The following DNAH9 variants were observed in gnomAD, a reference collection of about 807,000 sequenced individuals.
DNAH9 encodes the protein DNAH9 variant protein.
Under a neutral mutation model 471.6 loss-of-function variants are expected in DNAH9, and 345 were observed. That is an observed-to-expected ratio of 0.73 (90% confidence interval 0.67 to 0.80). The LOEUF is 0.80. Ranked by LOEUF, DNAH9 falls within the 30% of genes least tolerant of loss-of-function variation. The pLI is 0.00. For synonymous variants in DNAH9, 2,093 were observed against 2,123.6 expected (o/e 0.99, Z 0.40); for missense variants, 5,407 against 5,609.2 (o/e 0.96, Z 1.15).
intron 14 of DNAH9, among the ~76,000 whole-genome samples, chr17:11,661,434 A>G (rs1445739449): frequency 6.6e-6 from 1 of 152,072 alleles, no homozygotes; most frequent in Non-Finnish European, 1.5e-5. Context: ...AAGCATTTGT[A>G]TGGTTGAATT....
chr17:11,934,113 A>C, intron 65 of DNAH9, 42 bp downstream of exon 65: 1 of 1,584,700 alleles, frequency 6.3e-7, no homozygotes, highest in South Asian at 1.2e-5. Context: ...GAGGGTGCTC[A>C]CAGGGCCCTG....
chr17:11,681,247 G>A (rs1225647042), intron 19 of DNAH9, among the ~76,000 whole-genome samples: 1 of 152,164 alleles, frequency 6.6e-6, no homozygotes, highest in African/African-American at 2.4e-5. Flanking sequence ...TTTAAAAAGT[G>A]GCTGATTGAA....
chr17:11,857,645 A>G (rs1971673626), intron 50 of DNAH9, among the ~76,000 whole-genome samples: 1 of 152,222 alleles, frequency 6.6e-6, no homozygotes, highest in African/African-American at 2.4e-5. Flanking sequence ...AGGACATTAT[A>G]TAGTTTGGAT....
At chr17:11,790,706 T>A (rs1969032953) in intron 41 of DNAH9, among the ~76,000 whole-genome samples, 1 of 151,930 alleles carries the variant, frequency 6.6e-6, no homozygotes, top group Non-Finnish European at 1.5e-5. Flanking sequence ...ATGCTCTTTT[T>A]AATATATTCT....
At chr17:11,841,383 A>T (rs935516678) in intron 49 of DNAH9, among the ~76,000 whole-genome samples, 5 of 152,170 alleles carry the variant, frequency 3.3e-5, no homozygotes, top group Admixed American at 3.3e-4. Flanking sequence ...AAAGAGAAAA[A>T]ACATTTTTTA....
intron 40 of DNAH9, 73 bp from the exon 41 acceptor site, chr17:11,784,226 TC>T: frequency 6.3e-7 from 1 of 1,590,436 alleles, no homozygotes. Flanking sequence ...TTTTCTGTTA[TC>T]TCCAAATTCA....
chr17:11,667,481 T>C (rs1301273256), intron 15 of DNAH9, among the ~76,000 whole-genome samples: 2 of 152,208 alleles, frequency 1.3e-5, no homozygotes, highest in Non-Finnish European at 2.9e-5. Context: ...CCTCCAGTTC[T>C]GAAGGCAAGG....
At chr17:11,736,868 C>T (rs768182301) in intron 28 of DNAH9, among the ~76,000 whole-genome samples, 6 of 152,224 alleles carry the variant, frequency 3.9e-5, no homozygotes, top group Non-Finnish European at 8.8e-5. Flanking sequence ...CCTTAGTCTT[C>T]GCCCAAAGGT....
In DNAH9 at chr17:11,875,026, C is replaced by G. The variant is rs61743933; in HGVS notation, c.10320C>G (p.Asn3440Lys). The G allele has an allele frequency of 6.2e-7, 1 of 1,614,096 alleles. No homozygotes were observed. The highest frequency in any genetic ancestry group is 1.7e-5 in the Admixed American group (1 of 60,024). Reference sequence around the variant, plus strand: ...ATGCTGACGTGGCTGCCTGGCAGAACGAGGGCCTCCCAGCCGACCGCATGT... The same window carrying G: ...ATGCTGACGTGGCTGCCTGGCAGAAGGAGGGCCTCCCAGCCGACCGCATGT... ...MDDADVAAWQNEGLPADRMSV... is the reference protein window; with the variant it reads ...MDDADVAAWQKEGLPADRMSV... The change falls in exon 53 of 69, where the codon AAC becomes AAG. Residue 3440 changes from asparagine to lysine, a missense_variant. Transcript: ENST00000262442.
chr17:11,628,141 G>A (rs763545254), intron 6 of DNAH9, among the ~76,000 whole-genome samples: 1 of 152,234 alleles, frequency 6.6e-6, no homozygotes, highest in Non-Finnish European at 1.5e-5. Flanking sequence ...CCTAAGGAAT[G>A]TGCACACAAA....
intron 26 of DNAH9, among the ~76,000 whole-genome samples, chr17:11,706,887 AG>A (rs1479122407): frequency 3.9e-5 from 6 of 152,218 alleles, no homozygotes; most frequent in Admixed American, 3.3e-4. Flanking sequence ...TTCCTGGAAG[AG>A]GGAGTTCCGA....
At chr17:11,704,167 G>A in intron 24 of DNAH9, 36 bp from the exon 25 acceptor site, 6 of 1,612,118 alleles carry the variant, frequency 3.7e-6, no homozygotes, top group Non-Finnish European at 5.1e-6. Context: ...AAACAGCCAT[G>A]ATAACAGCTT....
intron 27 of DNAH9, among the ~76,000 whole-genome samples, chr17:11,724,735 G>T (rs940221425): frequency 6.6e-6 from 1 of 152,208 alleles, no homozygotes; most frequent in Non-Finnish European, 1.5e-5. Context: ...TGGCATGAGG[G>T]ACCAGTTTCA....
At chr17:11,896,434 G>C (rs974307592) in intron 59 of DNAH9, among the ~76,000 whole-genome samples, 2 of 152,190 alleles carry the variant, frequency 1.3e-5, no homozygotes, top group Non-Finnish European at 2.9e-5. Context: ...CAGATGGTGG[G>C]CCAGATTGGG....
Position 11,969,446 on chromosome 17 carries a change from C to A in DNAH9, c.13380C>A (p.Tyr4460Ter). The stretch of plus-strand genomic sequence containing the variant: ...AGACTAGTCAGCGGGGACCCACCTA[C>A]GTGTGGACTTTCAACCTGAAGACTA... ...VYKTSQRGPT[Y>*]VWTFNLKTKE... Residue 4460 changes from tyrosine (Y) to a stop codon, truncating the protein, a stop_gained, in exon 69 of 69, where the codon TAC (tyrosine) becomes TAA (stop). Transcript: ENST00000262442. LOFTEE classifies it high-confidence loss of function. 1 of 1,613,938 alleles carries A rather than the reference C, an allele frequency of 6.2e-7. No homozygotes were observed. Among genetic ancestry groups the A allele is most frequent in the Non-Finnish European group, 8.5e-7 (1 of 1,180,018 alleles).
At chr17:11,661,990 A>C (rs2073774109) in intron 14 of DNAH9, among the ~76,000 whole-genome samples, 1 of 152,074 alleles carries the variant, frequency 6.6e-6, no homozygotes, top group Admixed American at 6.6e-5. Flanking sequence ...TACTTCTTCA[A>C]GTTCAGGTCT....
chr17:11,676,184 A>C (rs989373451), intron 17 of DNAH9, among the ~76,000 whole-genome samples: 1 of 151,756 alleles, frequency 6.6e-6, no homozygotes, highest in Admixed American at 6.6e-5. Context: ...TCTCATGTAA[A>C]TCTTCAAATT....
rs79630902 is a variant in DNAH9, at chr17:11,625,868, G to A, written c.1351-3549G>A. ...TTACACATATAATATCCATTAACCC[G>A]ATCTAATGACATCAGAGTGATCATG... On this transcript the variant is annotated intron_variant, in intron 6 of 68. Coordinates refer to ENST00000262442, the MANE Select transcript of DNAH9 (RefSeq NM_001372.4). Among the ~76,000 whole-genome samples the A allele has an allele frequency of 4.5e-3, 679 of 152,248 alleles. 7 individuals carry two copies. Among genetic ancestry groups the A allele is most frequent in the Middle Eastern group, 0.014 (4 of 294 alleles).
Position 11,608,203 on chromosome 17 carries a change from G to A in DNAH9, c.492G>A (p.Arg164=), listed in dbSNP as rs149475790. 13 of 1,613,766 alleles carry A rather than the reference G, an allele frequency of 8.1e-6. No individual in the cohort carries two copies. The highest frequency in any genetic ancestry group is 1.1e-5 in the Non-Finnish European group (13 of 1,179,826). Residue 164 remains arginine, a synonymous_variant, in exon 2 of 69, where the codon CGG becomes CGA. Coordinates refer to ENST00000262442, the MANE Select transcript of DNAH9 (RefSeq NM_001372.4). ...WPHMICEDVR[R]HAHSLQCDLS... is the part of the protein sequence containing the mutation. ...ACATGATATGTGAGGATGTCAGGCG[G>A]CACGCCCACAGCCTCCAATGTGACC...
Sources: gnomAD v4.1 joint callset for allele counts (sites outside exome capture counted in the v4.1 genomes callset) on GRCh38, gnomAD v4.1.1 for gene constraint, MANE v1.5 for transcripts, NCBI Gene and HGNC (gene_info 2026-07-23, HGNC 2026-07-21) for gene names.